Variants in MCTP1 observed in about 807,000 individuals in gnomAD.
MCTP1 encodes the protein multiple C2 and transmembrane domain-containing protein 1.
MCTP1 carries 69 observed loss-of-function variants against 120.6 expected under a neutral mutation model. The ratio of observed to expected loss-of-function variants is 0.57; its 90% CI spans 0.47 to 0.70. The LOEUF is 0.70. MCTP1 is among the 30% of genes least tolerant of loss of function. MCTP1 has a pLI of 0.00. For missense variants in MCTP1, 1,203 were observed against 1,248.8 expected (o/e 0.96, Z 0.55); for synonymous variants, 529 against 493.1 (o/e 1.07, Z -0.96).
intron 1 of MCTP1, among the ~76,000 whole-genome samples, chr5:95,256,030 C>G (rs1757851312): frequency 6.6e-6 from 1 of 152,154 alleles, no homozygotes; most frequent in South Asian, 2.1e-4. Flanking sequence ...CTTCATGAAA[C>G]CGTTGGTAAA....
intron 1 of MCTP1, among the ~76,000 whole-genome samples, chr5:95,083,659 T>C (rs1755207347): frequency 6.6e-6 from 1 of 152,182 alleles, no homozygotes; most frequent in Non-Finnish European, 1.5e-5. Flanking sequence ...TAAAAGAGGT[T>C]GCCTAAAAAT....
intron 1 of MCTP1, among the ~76,000 whole-genome samples, chr5:95,060,908 A>C (rs1276605463): frequency 6.8e-6 from 1 of 147,730 alleles, no homozygotes; most frequent in East Asian, 2.0e-4. Context: ...TGGAAGGCAG[A>C]GGTTGTAGTG....
intron 1 of MCTP1, among the ~76,000 whole-genome samples, chr5:95,277,959 C>T (rs912951205): frequency 6.6e-6 from 1 of 151,830 alleles, no homozygotes; most frequent in Non-Finnish European, 1.5e-5. Context: ...AATACAATCT[C>T]ATTATGTTAC....
intron 2 of MCTP1, among the ~76,000 whole-genome samples, chr5:94,977,937 C>A: frequency 1.3e-5 from 2 of 151,924 alleles, no homozygotes; most frequent in Non-Finnish European, 2.9e-5. Context: ...TAAAACCAGG[C>A]AAATGGGACT....
At chr5:94,881,460 T>C (rs1800066315) in intron 12 of MCTP1, among the ~76,000 whole-genome samples, 1 of 152,188 alleles carries the variant, frequency 6.6e-6, no homozygotes. Flanking sequence ...AGCTCTTATC[T>C]ACATTCTCCT....
chr5:94,900,796 G>T (rs1244175983), intron 10 of MCTP1, among the ~76,000 whole-genome samples: 1 of 152,142 alleles, frequency 6.6e-6, no homozygotes, highest in Non-Finnish European at 1.5e-5. Flanking sequence ...TAAACTCTTT[G>T]TACTTCAGCT....
intron 1 of MCTP1, among the ~76,000 whole-genome samples, chr5:95,218,549 G>A (rs3909307): frequency 0.17 from 25,911 of 152,090 alleles, 2,723 homozygotes; most frequent in East Asian, 0.47. Flanking sequence ...ATTTCAGTTT[G>A]GTACTAGTAG....
In MCTP1 at chr5:94,707,473, G is replaced by A. The variant is rs1358072180; in HGVS notation, c.*23C>T. The A allele has an allele frequency of 2.5e-6, 4 of 1,570,324 alleles. No homozygotes were observed. In the Admixed American group the frequency reaches 6.8e-5, roughly 27 times the overall value. Reference sequence around the variant, plus strand: ...CTTTTATCTTCCCAAACAGATGCTGGTCTCCTCAGTGCTGGGAGCTGGCTA... The same window carrying A: ...CTTTTATCTTCCCAAACAGATGCTGATCTCCTCAGTGCTGGGAGCTGGCTA... On this transcript the variant is annotated 3_prime_UTR_variant, in exon 23 of 23. Coordinates refer to ENST00000515393, the MANE Select transcript of MCTP1 (RefSeq NM_024717.7).
chr5:95,062,596 G>T (rs1749524208), intron 1 of MCTP1, among the ~76,000 whole-genome samples: 1 of 152,130 alleles, frequency 6.6e-6, no homozygotes. Flanking sequence ...GCATGGGATT[G>T]GGGCAAAGGA....
intron 1 of MCTP1, among the ~76,000 whole-genome samples, chr5:95,071,301 G>A (rs1257850247): frequency 6.6e-6 from 1 of 152,154 alleles, no homozygotes; most frequent in Non-Finnish European, 1.5e-5. Flanking sequence ...TTAGGAGACA[G>A]GCTGGATCAG....
In MCTP1 at chr5:94,707,517, T is replaced by C. The variant is rs1754955592; in HGVS notation, c.2979A>G (p.Arg993=). ...KPDPSHSPYK[R]KKNNLG ...CTGGCTAGCCAAGATTGTTTTTCTT[T>C]CTTTTATATGGGCTATGAGAAGGAT... The change falls in exon 23 of 23, where the codon AGA becomes AGG. Residue 993 remains arginine, a synonymous_variant. Transcript: ENST00000515393. The C allele has an allele frequency of 6.2e-7, 1 of 1,611,802 alleles. No individual in the cohort carries two copies. The highest frequency in any genetic ancestry group is 1.3e-5 in the African/African-American group (1 of 74,730).
At chr5:94,791,389 G>A (rs1778923744) in intron 18 of MCTP1, among the ~76,000 whole-genome samples, 1 of 152,014 alleles carries the variant, frequency 6.6e-6, no homozygotes, top group African/African-American at 2.4e-5. Flanking sequence ...CAGCTAGGCA[G>A]GAGGCTGAGG....
intron 1 of MCTP1, among the ~76,000 whole-genome samples, chr5:95,031,136 A>T (rs1840205563): frequency 6.6e-6 from 1 of 152,116 alleles, no homozygotes; most frequent in African/African-American, 2.4e-5. Flanking sequence ...ATATGAGATT[A>T]TGTAAAGCAA....
At chr5:94,965,680 A>G (rs182170341) in intron 2 of MCTP1, among the ~76,000 whole-genome samples, 7 of 152,300 alleles carry the variant, frequency 4.6e-5, no homozygotes, top group African/African-American at 1.7e-4. Context: ...CATTCTTGCT[A>G]TTTGATAAAT....
intron 10 of MCTP1, among the ~76,000 whole-genome samples, chr5:94,901,126 T>G (rs2153419023): frequency 6.6e-6 from 1 of 152,270 alleles, no homozygotes; most frequent in South Asian, 2.1e-4. Flanking sequence ...AGGAAACAGG[T>G]TTAATTGACT....
At chr5:94,888,437 C>G (rs1208593675) in intron 12 of MCTP1, among the ~76,000 whole-genome samples, 1 of 152,046 alleles carries the variant, frequency 6.6e-6, no homozygotes, top group East Asian at 1.9e-4. Context: ...GATCAGCAAC[C>G]CAAATATCAA....
intron 1 of MCTP1, among the ~76,000 whole-genome samples, chr5:95,194,506 T>C (rs540755500): frequency 6.6e-6 from 1 of 152,290 alleles, no homozygotes; most frequent in East Asian, 1.9e-4. Flanking sequence ...GTAAAATAAC[T>C]TAAAAATATT....
intron 2 of MCTP1, among the ~76,000 whole-genome samples, chr5:94,963,231 A>G (rs556722006): frequency 6.6e-6 from 1 of 152,182 alleles, no homozygotes; most frequent in African/African-American, 2.4e-5. Flanking sequence ...TTGCTTCCAT[A>G]TCTTGGCTAT....
At chr5:95,276,755 A>G (rs555023921) in intron 1 of MCTP1, among the ~76,000 whole-genome samples, 32 of 151,580 alleles carry the variant, frequency 2.1e-4, no homozygotes, top group African/African-American at 7.2e-4. Flanking sequence ...GACTGAGACC[A>G]TCCTGGCTAA....
Sources: allele counts gnomAD v4.1 joint callset (sites outside exome capture counted in the v4.1 genomes callset), GRCh38; gene constraint gnomAD v4.1.1; transcripts MANE v1.5; gene names NCBI Gene and HGNC (gene_info 2026-07-23, HGNC 2026-07-21).